Variants in RANBP9 observed in about 807,000 individuals in gnomAD.
The protein encoded by RANBP9 is ran-binding protein 9.
In RANBP9, 15 loss-of-function variants were observed where a neutral mutation model predicts 84.3. That is an observed-to-expected ratio of 0.18 (90% CI 0.12 to 0.27). The LOEUF is 0.27. RANBP9 is among the 10% of genes least tolerant of loss of function. The pLI, the probability that RANBP9 is intolerant of heterozygous loss-of-function variation, is 1.00. For synonymous variants in RANBP9, 392 were observed against 349.6 expected, an observed-to-expected ratio of 1.12 and a Z score of -1.35; for missense variants, 809 against 912.8, an observed-to-expected ratio of 0.89 and a Z score of 1.46.
rs1765054474 is a variant in RANBP9, at chr6:13,641,209, A to G, written c.1324T>C (p.Phe442Leu). The stretch of plus-strand genomic sequence containing the variant: ...ATTATGCAAACTCACTTTAATGTGA[A>G]AAGGAGATTAGGATTTCTTTCAAGT... ...SLLERNPNLL[F>L]TLKVRQFIEM... Residue 442 changes from phenylalanine (F) to leucine (L), a missense_variant, in exon 8 of 14, where the codon TTC becomes CTC. Phe to Leu is a conservative substitution (Grantham distance 22). Coordinates refer to ENST00000011619, the MANE Select transcript of RANBP9 (RefSeq NM_005493.3). 1 of 1,554,812 alleles carries G rather than the reference A, an allele frequency of 6.4e-7. No individual in the cohort carries two copies. The highest frequency in any genetic ancestry group is 8.8e-7 in the Non-Finnish European group (1 of 1,138,590).
intron 2 of RANBP9, among the ~76,000 whole-genome samples, chr6:13,694,739 T>C (rs1766402697): frequency 6.6e-6 from 1 of 152,238 alleles, no homozygotes. Flanking sequence ...AGTCCCGCCC[T>C]GTCCCCACCT....
At chr6:13,688,063 G>A (rs2113342938) in intron 2 of RANBP9, among the ~76,000 whole-genome samples, 1 of 152,298 alleles carries the variant, frequency 6.6e-6, no homozygotes, top group East Asian at 1.9e-4. Context: ...GCTACCTTGA[G>A]TTTGCTTCAC....
Position 13,711,088 on chromosome 6 carries a change from G to A in RANBP9, c.418C>T (p.Leu140=), listed in dbSNP as rs1298785696. The A allele has an allele frequency of 3.2e-6, 5 of 1,573,782 alleles. No individual in the cohort carries two copies. In the African/African-American group the frequency reaches 4.1e-5, roughly 13 times the overall value. ...TGCAACTCCTTCTCCTGCTCGTTCA[G>A]GGCCGAGTCCCCGTGAGGGAAGGGG... ...AAPFPHGDSA[L]NEQEKELQRR... is the part of the protein sequence containing the mutation. Residue 140 remains leucine, a synonymous_variant, in exon 1 of 14, where the codon CTG becomes TTG. Transcript: ENST00000011619.
chr6:13,625,746 C>T lies in RANBP9; in HGVS notation c.1966G>A (p.Ala656Thr). The part of the protein sequence containing the change: ...KMLKDAFSLL[A>T]YSDPWNSPVG... ...GGGCTGTTCCAGGGATCTGAATATG[C>T]TAGTAGACTGAATGCATCCTGTTGA... Residue 656 changes from alanine to threonine, a missense_variant, in exon 13 of 14, where the codon GCA (alanine) becomes ACA (threonine). Transcript: ENST00000011619. 1 of 1,608,846 alleles carries T rather than the reference C, an allele frequency of 6.2e-7. No individual in the cohort carries two copies. Among genetic ancestry groups the T allele is most frequent in the Non-Finnish European group, 8.5e-7 (1 of 1,175,360 alleles).
intron 2 of RANBP9, among the ~76,000 whole-genome samples, chr6:13,680,802 A>G (rs1015329558): frequency 5.3e-5 from 8 of 151,824 alleles, no homozygotes; most frequent in African/African-American, 1.9e-4. Context: ...CAGGGATTTT[A>G]CATACAATCA....
chr6:13,666,088 C>A (rs894841176), intron 2 of RANBP9, among the ~76,000 whole-genome samples: 1 of 152,052 alleles, frequency 6.6e-6, no homozygotes, highest in Non-Finnish European at 1.5e-5. Context: ...AAAGAGTACA[C>A]TTAAGATGTG....
chr6:13,679,757 G>A (rs1028034205), intron 2 of RANBP9, among the ~76,000 whole-genome samples: 1 of 152,072 alleles, frequency 6.6e-6, no homozygotes, highest in Non-Finnish European at 1.5e-5. Context: ...AACATTACAG[G>A]TTCTACTTGT....
At chr6:13,623,119 A>T (rs1764500879) in intron 13 of RANBP9, among the ~76,000 whole-genome samples, 1 of 152,196 alleles carries the variant, frequency 6.6e-6, no homozygotes, top group African/African-American at 2.4e-5. Context: ...GGTCCTGCAT[A>T]TCATAAGTTT....
rs933175083 is a variant in RANBP9 at position 13,711,286 on chromosome 6, G to A, written c.220C>T (p.Pro74Ser). 2 of 1,003,364 alleles carry A rather than the reference G, an allele frequency of 2.0e-6. No homozygotes were observed. The highest frequency in any genetic ancestry group is 9.0e-5 in the South Asian group (2 of 22,194). 62.2% of individuals were successfully genotyped at this position (1,003,364 alleles called of 1,614,324 possible). Residue 74 changes from proline (P) to serine (S), a missense_variant, in exon 1 of 14, where the codon CCG becomes TCG. By Grantham distance (74) the Pro-to-Ser change is moderately conservative. Transcript: ENST00000011619. ...GGGGCCGCGGTGGCCGGGGGCGGCG[G>A]CGGCGGAGGGTGGAGGAGCAGGGCG... ...AAALLLHPPP[P>S]PPPATAAPPP... is the part of the protein sequence containing the mutation.
rs374931757 is a variant in RANBP9, at chr6:13,672,957, G to A, written c.684-14125C>T. Among the ~76,000 whole-genome samples the A allele has an allele frequency of 7.2e-5, 11 of 151,840 alleles. No homozygotes were observed. In the East Asian group the frequency reaches 1.9e-3, roughly 27 times the overall value. ...AATATTCATAATAGTAATGCTAGAA[G>A]GAGAAGAAACAAAGAAAATGAAGTA... is the stretch of plus-strand genomic sequence containing the variant. On this transcript the variant is annotated intron_variant, in intron 2 of 13. Transcript: ENST00000011619.
chr6:13,696,804 C>A lies in RANBP9; in HGVS notation c.664G>T (p.Val222Phe). ...ACTTACCCATCTCTTCCCTTACTGA[C>A]AATTTTTACTTCAAAATAATAAATC... ...CGIYYFEVKI[V>F]SKGRDGYMGI... Residue 222 changes from valine to phenylalanine, a missense_variant, in exon 2 of 14, where the codon GTC (valine) becomes TTC (phenylalanine). Val to Phe is a conservative substitution (Grantham distance 50). Around this residue, in one of 5 missense-constraint regions of RANBP9, gnomAD observed 56 missense variants for 88.2 expected, o/e 0.63. Transcript: ENST00000011619. 1.2e-6 allele frequency: 2 copies of A among 1,609,454 alleles called. No homozygotes were observed. Among genetic ancestry groups the A allele is most frequent in the Non-Finnish European group, 1.7e-6 (2 of 1,177,274 alleles).
chr6:13,671,402 G>C (rs1765775186), intron 2 of RANBP9, among the ~76,000 whole-genome samples: 1 of 151,978 alleles, frequency 6.6e-6, no homozygotes, highest in Admixed American at 6.6e-5. Context: ...CCAACCAATG[G>C]ATAAACAAAA....
chr6:13,631,322 T>C (rs964492222), intron 12 of RANBP9, among the ~76,000 whole-genome samples: 2 of 152,222 alleles, frequency 1.3e-5, no homozygotes, highest in Non-Finnish European at 2.9e-5. Flanking sequence ...TGAGGTGCTC[T>C]ATAACACATC....
At chr6:13,624,761 T>G (rs1764552883) in intron 13 of RANBP9, among the ~76,000 whole-genome samples, 1 of 152,198 alleles carries the variant, frequency 6.6e-6, no homozygotes, top group African/African-American at 2.4e-5. Context: ...AAGCCTCGCC[T>G]TTTAAATTGC....
chr6:13,664,672 C>T (rs142413430), intron 2 of RANBP9, among the ~76,000 whole-genome samples: 371 of 152,114 alleles, frequency 2.4e-3, no homozygotes, highest in African/African-American at 8.2e-3. Flanking sequence ...GTAACAGATA[C>T]CCCCAATACA....
At chr6:13,645,594 A>G (rs1463730618) in intron 5 of RANBP9, among the ~76,000 whole-genome samples, 1 of 152,166 alleles carries the variant, frequency 6.6e-6, no homozygotes, top group African/African-American at 2.4e-5. Flanking sequence ...TCTACTTCAA[A>G]GACAGAGAAA....
chr6:13,640,935 C>T (rs547750901), intron 8 of RANBP9, among the ~76,000 whole-genome samples: 70 of 152,074 alleles, frequency 4.6e-4, no homozygotes, highest in African/African-American at 1.6e-3. Context: ...AAATAGACAC[C>T]CATCTTCTAA....
In RANBP9 at chr6:13,622,478, G is replaced by A. The variant is rs1374510205; in HGVS notation, c.2074C>T (p.Pro692Ser). 6.3e-7 allele frequency: 1 copy of A among 1,577,008 alleles called. No homozygotes were observed. Among genetic ancestry groups the A allele is most frequent in the Non-Finnish European group, 8.6e-7 (1 of 1,163,730 alleles). Residue 692 changes from proline to serine, a missense_variant, in exon 14 of 14, where the codon CCA becomes TCA. By Grantham distance (74) the Pro-to-Ser change is moderately conservative (BLOSUM62 -1). This residue lies in a region of RANBP9 where 233 missense variants were observed against 234.4 expected (regional missense o/e 0.99). Coordinates refer to ENST00000011619, the MANE Select transcript of RANBP9 (RefSeq NM_005493.3). ...GCTAGGGCAAGTGGAGGTTGCTTTG[G>A]CAGATTGTGGGTTTCTGAGGAAAAA... The part of the protein sequence containing the change: ...NSAILETHNL[P>S]KQPPLALAMG...
intron 1 of RANBP9, among the ~76,000 whole-genome samples, chr6:13,703,138 C>G (rs760528173): frequency 3.9e-5 from 6 of 152,152 alleles, no homozygotes; most frequent in Admixed American, 1.3e-4. Flanking sequence ...TCGACTTCCC[C>G]AAGTTTTGGG....
Sources: gnomAD v4.1 joint callset for allele counts (sites outside exome capture counted in the v4.1 genomes callset) on GRCh38, gnomAD v4.1.1 for gene constraint, gnomAD v4.1.1 regional missense constraint, MANE v1.5 for transcripts, NCBI Gene and HGNC (gene_info 2026-07-23, HGNC 2026-07-21) for gene names.